Variants in POF1B observed in about 807,000 individuals in gnomAD.
POF1B encodes the protein protein POF1B.
Under a neutral mutation model 55.3 loss-of-function variants are expected in POF1B, and 53 were observed. That is an observed-to-expected ratio of 0.96 (90% CI 0.77 to 1.20). The LOEUF (loss-of-function observed/expected upper bound fraction) is 1.20, where lower values mean the gene tolerates loss of function less well. POF1B is among the 50% of genes most tolerant of loss of function. The pLI is 0.00. For synonymous variants in POF1B, 188 were observed against 148.3 expected (o/e 1.27, Z -1.95); for missense variants, 478 against 420.5 (o/e 1.14, Z -1.20).
intron 7 of POF1B, among the ~76,000 whole-genome samples, chrX:85,316,671 T>TTAAC (rs1932790088): frequency 9.0e-6 from 1 of 111,594 alleles, no homozygotes; most frequent in African/African-American, 3.3e-5. Flanking sequence ...TTTAAAGTAA[T>TTAAC]TAACTTGACT....
At chrX:85,349,077 G>T (rs748261122) in intron 5 of POF1B, among the ~76,000 whole-genome samples, 2 of 111,082 alleles carry the variant, frequency 1.8e-5, no homozygotes, top group Admixed American at 1.9e-4. Flanking sequence ...GAAATATTCT[G>T]CTGCTCCTCT....
intron 14 of POF1B, 35 bp downstream of exon 14, chrX:85,304,308 T>C: frequency 8.9e-7 from 1 of 1,123,970 alleles, no homozygotes; most frequent in Non-Finnish European, 1.2e-6. Flanking sequence ...CTAAGTTGTA[T>C]TACTTTTCTC....
intron 8 of POF1B, among the ~76,000 whole-genome samples, chrX:85,314,965 T>C (rs1459584248): frequency 9.0e-6 from 1 of 111,619 alleles, no homozygotes. Flanking sequence ...AGAATTTACA[T>C]AGAGCTGTGG....
At chrX:85,310,250 A>T (rs1000879453) in intron 9 of POF1B, among the ~76,000 whole-genome samples, 1 of 112,551 alleles carries the variant, frequency 8.9e-6, no homozygotes, top group Non-Finnish European at 1.9e-5. Context: ...AAATGTTAGA[A>T]TTATCTGATA....
intron 4 of POF1B, among the ~76,000 whole-genome samples, chrX:85,353,849 G>T (rs775369497): frequency 1.1e-4 from 12 of 111,334 alleles, no homozygotes; most frequent in Non-Finnish European, 2.1e-4. Flanking sequence ...GGTCTTAGAA[G>T]AGAAAATATT....
intron 15 of POF1B, among the ~76,000 whole-genome samples, chrX:85,297,434 G>A (rs1483246395): frequency 3.6e-5 from 4 of 111,889 alleles, no homozygotes; most frequent in Non-Finnish European, 7.5e-5. Context: ...TTTAACTGTT[G>A]TGCAAGTTGA....
At chrX:85,325,343 A>T (rs768997841) in intron 7 of POF1B, among the ~76,000 whole-genome samples, 1 of 111,465 alleles carries the variant, frequency 9.0e-6, no homozygotes, top group East Asian at 2.8e-4. Context: ...GTCTCTTTAC[A>T]AAATCCCTTA....
intron 11 of POF1B, 152 bp from the exon 12 acceptor site, chrX:85,306,485 C>T (rs1932578216): frequency 2.1e-6 from 1 of 486,559 alleles, no homozygotes; most frequent in African/African-American, 2.4e-5. Context: ...TTAAGTCACC[C>T]ATGTAAGATA....
At chrX:85,345,748 TA>T in intron 6 of POF1B, 111 bp downstream of exon 6, 2 of 695,335 alleles carry the variant, frequency 2.9e-6, no homozygotes, top group Non-Finnish European at 2.0e-6. Flanking sequence ...ATACCAGTGA[TA>T]TAACTTCTCA....
intron 4 of POF1B, among the ~76,000 whole-genome samples, chrX:85,358,072 C>T (rs1421493387): frequency 9.0e-6 from 1 of 111,257 alleles, no homozygotes; most frequent in Non-Finnish European, 1.9e-5. Flanking sequence ...AAGCTACCAT[C>T]TAAAATAGCT....
chrX:85,304,410 T>C lies in POF1B; in HGVS notation c.1499A>G (p.Gln500Arg). 8.4e-7 allele frequency: 1 copy of C among 1,194,716 alleles called. No homozygotes were observed. Among genetic ancestry groups the C allele is most frequent in the Non-Finnish European group, 1.1e-6 (1 of 884,456 alleles). ...GCTTGTCAGTTCATGAAGCTTAAATTGGAAGTCACTACAACTTCCTTCTCT... is the reference window on the plus strand; with the variant it reads ...GCTTGTCAGTTCATGAAGCTTAAATCGGAAGTCACTACAACTTCCTTCTCT... ...SKREGSCSDFQFKLHELTSLL... is the reference protein window; with the variant it reads ...SKREGSCSDFRFKLHELTSLL... Residue 500 changes from glutamine (Q) to arginine (R), a missense_variant, in exon 14 of 17, where the codon CAA becomes CGA. Gln to Arg is a conservative substitution (Grantham distance 43, BLOSUM62 1). Coordinates refer to ENST00000262753, the MANE Select transcript of POF1B (RefSeq NM_024921.4).
chrX:85,330,616 T>C (rs1932959759), intron 7 of POF1B, among the ~76,000 whole-genome samples: 1 of 111,317 alleles, frequency 9.0e-6, no homozygotes, highest in Non-Finnish European at 1.9e-5. Flanking sequence ...TCTGATGATT[T>C]TCATAATCTA....
At chrX:85,370,236 G>T (rs1408112480) in intron 2 of POF1B, among the ~76,000 whole-genome samples, 3 of 111,966 alleles carry the variant, frequency 2.7e-5, no homozygotes, top group Non-Finnish European at 5.6e-5. Context: ...GCAAACAGTT[G>T]TATTTGAGCA....
At chrX:85,306,030 G>C in intron 12 of POF1B, 120 bp from the exon 13 acceptor site, 1 of 983,852 alleles carries the variant, frequency 1.0e-6, no homozygotes, top group Non-Finnish European at 1.4e-6. Context: ...AATAATGAAA[G>C]TGATTTTCAG....
intron 2 of POF1B, 134 bp from the exon 3 acceptor site, chrX:85,367,900 C>A: frequency 2.4e-6 from 1 of 421,033 alleles, no homozygotes; most frequent in South Asian, 3.9e-5. Flanking sequence ...TAGATAATAT[C>A]CATCTTTCCA....
At chrX:85,312,006 A>G (rs1266317557) in intron 9 of POF1B, among the ~76,000 whole-genome samples, 1 of 111,911 alleles carries the variant, frequency 8.9e-6, no homozygotes. Context: ...CCCTTTGGCC[A>G]CTTTTTGATG....
Position 85,282,310 on chromosome X carries a change from T to G in POF1B, c.1657A>C (p.Thr553Pro). 8.8e-7 allele frequency: 1 copy of G among 1,132,067 alleles called. No individual in the cohort carries two copies. Among genetic ancestry groups the G allele is most frequent in the Non-Finnish European group, 1.2e-6 (1 of 850,799 alleles). The allele number at this position is 1,132,067 out of a possible 1,213,427, so 93.3% of individuals were successfully genotyped here. A position where few individuals can be genotyped will look rare whatever the true frequency, so the allele number is the denominator to read the frequency against. Residue 553 changes from threonine (T) to proline (P), a missense_variant, in exon 16 of 17, where the codon ACA becomes CCA. Thr to Pro is a conservative substitution (Grantham distance 38, BLOSUM62 -1). Coordinates refer to ENST00000262753, the MANE Select transcript of POF1B (RefSeq NM_024921.4). ...AGGAGGCCTAGGATTGGATATTGTG[T>G]CCTGTACCTGTTGGCAAGAAAAGAG... ...RTTITTKKYR[T>P]QYPILGLLYD...
intron 15 of POF1B, among the ~76,000 whole-genome samples, chrX:85,296,873 T>G (rs1932320582): frequency 8.9e-6 from 1 of 112,093 alleles, no homozygotes; most frequent in Admixed American, 9.4e-5. Context: ...GGAATATCAA[T>G]TAGTTTTAGG....
rs1180502401 is a variant in POF1B at position 85,277,603 on chromosome X, ATCCT to A, written c.*1814_*1817del. 2 of 109,986 alleles carry A rather than the reference ATCCT, an allele frequency of 1.8e-5. No individual in the cohort carries two copies. Among genetic ancestry groups the A allele is most frequent in the Non-Finnish European group, 3.8e-5 (2 of 52,350 alleles). The allele number at this position is 109,986 out of a possible 1,213,427, so 9.1% of individuals were successfully genotyped here. On this transcript the variant is annotated 3_prime_UTR_variant, in exon 17 of 17. Coordinates refer to ENST00000262753, the MANE Select transcript of POF1B (RefSeq NM_024921.4). Reference sequence around the variant, plus strand: ...CCCCTTTTCCCAGCCACTAGTAACCATCCTTCTACTCTCTATATCCATGAGTTCA... The same window carrying A: ...CCCCTTTTCCCAGCCACTAGTAACCATCTACTCTCTATATCCATGAGTTCA...
Sources: allele counts gnomAD v4.1 joint callset (sites outside exome capture counted in the v4.1 genomes callset), GRCh38; gene constraint gnomAD v4.1.1; transcripts MANE v1.5; gene names NCBI Gene and HGNC (gene_info 2026-07-23, HGNC 2026-07-21).